The following CALN1 variants were observed in gnomAD, a reference collection of about 807,000 sequenced individuals.
CALN1 encodes calneuron 1.
In CALN1, 17 loss-of-function variants were observed where a neutral mutation model predicts 30.6. The ratio of observed to expected loss-of-function variants is 0.56; its 90% CI spans 0.38 to 0.83. The LOEUF is 0.83. Ranked by LOEUF, CALN1 falls within the 40% of genes least tolerant of loss-of-function variation. CALN1 has a pLI of 0.00. For synonymous variants in CALN1, 156 were observed against 131.4 expected (o/e 1.19, Z -1.28); for missense variants, 291 against 354.9 (o/e 0.82, Z 1.45).
intron 5 of CALN1, among the ~76,000 whole-genome samples, chr7:71,965,808 C>T (rs1432127537): frequency 6.6e-6 from 1 of 152,088 alleles, no homozygotes; most frequent in Admixed American, 6.6e-5. Context: ...AAAGATGCCC[C>T]AGTATCACTC....
intron 2 of CALN1, among the ~76,000 whole-genome samples, chr7:72,336,237 C>T (rs191866318): frequency 6.6e-6 from 1 of 152,098 alleles, no homozygotes; most frequent in African/African-American, 2.4e-5. Context: ...TCCGGCTTCG[C>T]GAAGAGACCT....
chr7:72,347,646 C>A (rs1279975257), intron 2 of CALN1, among the ~76,000 whole-genome samples: 2 of 152,148 alleles, frequency 1.3e-5, no homozygotes, highest in Non-Finnish European at 2.9e-5. Flanking sequence ...GCCGGACAGA[C>A]AACTTGTTAA....
At chr7:72,144,993 G>C (rs1392499019) in intron 3 of CALN1, among the ~76,000 whole-genome samples, 3 of 152,078 alleles carry the variant, frequency 2.0e-5, no homozygotes, top group Non-Finnish European at 4.4e-5. Context: ...GAAATTTATA[G>C]CACTAAATGC....
intron 4 of CALN1, among the ~76,000 whole-genome samples, chr7:72,092,045 T>A (rs1180011904): frequency 6.6e-6 from 1 of 152,204 alleles, no homozygotes; most frequent in African/African-American, 2.4e-5. Context: ...TGAAACTGTA[T>A]CAAGTATTCT....
intron 1 of CALN1, among the ~76,000 whole-genome samples, chr7:72,445,925 T>C (rs1052779212): frequency 1.2e-4 from 19 of 152,176 alleles, no homozygotes; most frequent in Non-Finnish European, 2.2e-4. Context: ...CCCTCAAGAC[T>C]TGAACGGGGA....
intron 4 of CALN1, among the ~76,000 whole-genome samples, chr7:72,072,881 C>A (rs1462507042): frequency 6.6e-6 from 1 of 151,486 alleles, no homozygotes; most frequent in African/African-American, 2.4e-5. Flanking sequence ...ATGGTAACTA[C>A]AAAGAAAATA....
intron 3 of CALN1, among the ~76,000 whole-genome samples, chr7:72,158,769 G>A (rs944418819): frequency 2.0e-5 from 3 of 152,158 alleles, no homozygotes; most frequent in Non-Finnish European, 4.4e-5. Context: ...GAAAGTACCC[G>A]AGTCTTGATG....
At chr7:72,097,595 G>A (rs1462363486) in intron 4 of CALN1, among the ~76,000 whole-genome samples, 1 of 148,210 alleles carries the variant, frequency 6.7e-6, no homozygotes, top group Non-Finnish European at 1.5e-5. Context: ...ATCACTTGAA[G>A]CCAGAAGTTC....
At chr7:72,324,320 A>AGGTCT (rs1801109787) in intron 2 of CALN1, among the ~76,000 whole-genome samples, 1 of 152,150 alleles carries the variant, frequency 6.6e-6, no homozygotes, top group South Asian at 2.1e-4. Context: ...TCCTCCAGAA[A>AGGTCT]GGTCTGTTTC....
chr7:71,947,545 C>T (rs1796467190), intron 5 of CALN1, among the ~76,000 whole-genome samples: 2 of 152,142 alleles, frequency 1.3e-5, no homozygotes, highest in Admixed American at 1.3e-4. Flanking sequence ...TATCACTGGG[C>T]TTAAAAGTGA....
intron 5 of CALN1, among the ~76,000 whole-genome samples, chr7:72,020,958 G>C (rs907134646): frequency 1.3e-5 from 2 of 152,102 alleles, no homozygotes; most frequent in African/African-American, 4.8e-5. Context: ...TGGCCCTAAG[G>C]ATGGAGGTAA....
upstream of CALN1, among the ~76,000 whole-genome samples, chr7:72,413,975 G>A (rs943496069): frequency 6.6e-6 from 1 of 152,012 alleles, no homozygotes; most frequent in South Asian, 2.1e-4. Flanking sequence ...GATGTCTGCT[G>A]TCTCCAAGGC....
At chr7:71,836,621 TC>T (rs199761095) in intron 5 of CALN1, among the ~76,000 whole-genome samples, 14 of 123,408 alleles carry the variant, frequency 1.1e-4, no homozygotes, top group Admixed American at 4.2e-4. Context: ...TCTCTCTGTC[TC>T]TTTTTTTTTT....
At chr7:71,874,350 A>G (rs1792121600) in intron 5 of CALN1, among the ~76,000 whole-genome samples, 1 of 151,920 alleles carries the variant, frequency 6.6e-6, no homozygotes, top group Non-Finnish European at 1.5e-5. Flanking sequence ...TTCATCCATC[A>G]AGTATTAAGA....
chr7:72,315,049 G>A (rs765013168), intron 2 of CALN1, among the ~76,000 whole-genome samples: 2 of 151,790 alleles, frequency 1.3e-5, no homozygotes, highest in Non-Finnish European at 1.5e-5. Flanking sequence ...TACTTGGCAG[G>A]CTGAGGCAGG....
intron 3 of CALN1, among the ~76,000 whole-genome samples, chr7:72,239,907 C>T (rs1008161554): frequency 6.6e-5 from 10 of 152,140 alleles, no homozygotes; most frequent in Non-Finnish European, 1.2e-4. Context: ...TTGTACATTG[C>T]ATGCCAGCAG....
rs539691096 is a variant in CALN1, at chr7:72,226,262, A to G, written c.244+52424T>C. 2.0e-5 allele frequency among the ~76,000 whole-genome samples: 3 copies of G among 152,092 alleles called. No homozygotes were observed. In the South Asian group the frequency reaches 6.2e-4, roughly 32 times the overall value. On this transcript the variant is annotated intron_variant, in intron 3 of 6. Coordinates refer to ENST00000395275, the MANE Select transcript of CALN1 (RefSeq NM_031468.4). ...ATCTGTCTCAAAATAATAATTAAAA[A>G]AAGAAAGAAAGAATTAGCAATGGAA...
intron 5 of CALN1, among the ~76,000 whole-genome samples, chr7:71,922,354 G>A (rs1258445652): frequency 1.3e-5 from 2 of 151,462 alleles, no homozygotes; most frequent in Admixed American, 6.6e-5. Flanking sequence ...TGAATTCAAC[G>A]ACAAAGCTGA....
chr7:71,992,856 G>T (rs888756969), intron 5 of CALN1, among the ~76,000 whole-genome samples: 1 of 152,166 alleles, frequency 6.6e-6, no homozygotes, highest in African/African-American at 2.4e-5. Context: ...GCAGATCTAA[G>T]CCAATCACGA....
Sources: gnomAD v4.1 joint callset for allele counts (sites outside exome capture counted in the v4.1 genomes callset) on GRCh38, gnomAD v4.1.1 for gene constraint, MANE v1.5 for transcripts, NCBI Gene and HGNC (gene_info 2026-07-23, HGNC 2026-07-21) for gene names.